ARID2: variants seen among roughly 807,000 people sequenced by gnomAD.
ARID2 encodes the protein AT-rich interaction domain 2, also known as AT-rich interactive domain-containing protein 2.
ARID2 carries 32 observed loss-of-function variants against 184.6 expected under a neutral mutation model. That is an observed-to-expected ratio of 0.17 (90% confidence interval 0.13 to 0.23). ARID2 has a LOEUF of 0.23. Ranked by LOEUF, ARID2 falls within the 10% of genes least tolerant of loss-of-function variation. The pLI is 1.00. For missense variants in ARID2, 1,696 were observed against 2,197.6 expected (o/e 0.77, Z 4.56); for synonymous variants, 836 against 772.6 (o/e 1.08, Z -1.36).
chr12:45,874,864 C>G (rs938712728), intron 16 of ARID2, among the ~76,000 whole-genome samples: 2 of 152,208 alleles, frequency 1.3e-5, no homozygotes, highest in Non-Finnish European at 2.9e-5. Flanking sequence ...TGGCTGATGC[C>G]TGTAATCTCA....
intron 6 of ARID2, among the ~76,000 whole-genome samples, chr12:45,832,817 T>G (rs531475434): frequency 6.2e-4 from 95 of 152,340 alleles, no homozygotes; most frequent in South Asian, 1.4e-3. Context: ...ACTATTTACT[T>G]CACGTTACAC....
chr12:45,862,564 T>G (rs1943766536), intron 16 of ARID2, among the ~76,000 whole-genome samples: 1 of 152,180 alleles, frequency 6.6e-6, no homozygotes, highest in South Asian at 2.1e-4. Flanking sequence ...TTTACGAAGC[T>G]TGTCGCAGTG....
chr12:45,757,107 T>G (rs1004417446), intron 3 of ARID2, among the ~76,000 whole-genome samples: 5 of 152,178 alleles, frequency 3.3e-5, no homozygotes, highest in African/African-American at 1.2e-4. Flanking sequence ...AAGCTCCTAA[T>G]GAAGTATCAA....
Position 45,731,303 on chromosome 12 carries a change from G to A in ARID2, c.273G>A (p.Gln91=), listed in dbSNP as rs1940991806. The A allele has an allele frequency of 1.2e-6, 2 of 1,612,904 alleles. No homozygotes were observed. The highest frequency in any genetic ancestry group is 1.7e-6 in the Non-Finnish European group (2 of 1,178,986). ...SCSNAAFALK[Q]YYLRYLEKYE... ...CTAACGCTGCCTTTGCTTTAAAACAGTATTACTTGCGGTGAGTAGTAGTGA... is the reference window on the plus strand; with the variant it reads ...CTAACGCTGCCTTTGCTTTAAAACAATATTACTTGCGGTGAGTAGTAGTGA... Residue 91 remains glutamine (Q), a synonymous_variant, in exon 3 of 21, where the codon CAG becomes CAA. Coordinates refer to ENST00000334344, the MANE Select transcript of ARID2 (RefSeq NM_152641.4).
At chr12:45,831,135 G>A (rs1040695701) in intron 6 of ARID2, among the ~76,000 whole-genome samples, 4 of 151,572 alleles carry the variant, frequency 2.6e-5, no homozygotes, top group Middle Eastern at 3.5e-3. Context: ...ATTAATTTCT[G>A]CTTTTCATAT....
intron 16 of ARID2, among the ~76,000 whole-genome samples, chr12:45,865,909 T>C (rs747616653): frequency 6.6e-5 from 10 of 152,146 alleles, no homozygotes; most frequent in African/African-American, 2.4e-4. Flanking sequence ...CCACAATATT[T>C]TCATAATTGT....
intron 4 of ARID2, among the ~76,000 whole-genome samples, chr12:45,815,503 ACTGT>A (rs1942788970): frequency 6.6e-6 from 1 of 151,972 alleles, no homozygotes; most frequent in Non-Finnish European, 1.5e-5. Context: ...TATCTCTTCA[ACTGT>A]CTGCATTTGG....
At position 45,837,515 on chromosome 12, in the gene ARID2, A is replaced by C; in HGVS notation, c.1138A>C (p.Asn380His). ...TTTTTCAGGCATGGAAATTTTGGGAAATCTTTGCAAAGCAGAAGATAATGG... is the reference window on the plus strand; with the variant it reads ...TTTTTCAGGCATGGAAATTTTGGGACATCTTTGCAAAGCAGAAGATAATGG... ...LKMRGMEILG[N>H]LCKAEDNGVL... The change falls in exon 10 of 21, where the codon AAT becomes CAT. Residue 380 changes from asparagine to histidine, a missense_variant. By Grantham distance (68) the Asn-to-His change is moderately conservative. Around this residue, in one of 11 missense-constraint regions of ARID2, gnomAD observed 86 missense variants for 200.8 expected, o/e 0.43. Coordinates refer to ENST00000334344, the MANE Select transcript of ARID2 (RefSeq NM_152641.4). 1 of 1,613,946 alleles carries C rather than the reference A, an allele frequency of 6.2e-7. No individual in the cohort carries two copies. Among genetic ancestry groups the C allele is most frequent in the Non-Finnish European group, 8.5e-7 (1 of 1,179,908 alleles).
intron 16 of ARID2, among the ~76,000 whole-genome samples, chr12:45,872,829 A>T (rs906216704): frequency 1.3e-5 from 2 of 152,150 alleles, no homozygotes; most frequent in African/African-American, 4.8e-5. Flanking sequence ...GTTCCATGTG[A>T]GCTTGAGAAG....
chr12:45,869,633 A>C (rs1008129457), intron 16 of ARID2, among the ~76,000 whole-genome samples: 2 of 152,058 alleles, frequency 1.3e-5, no homozygotes, highest in African/African-American at 2.4e-5. Context: ...TTGTAATTTC[A>C]GCACTTTGGG....
chr12:45,836,494 G>A, intron 6 of ARID2, 95 bp from the exon 7 acceptor site: 1 of 1,190,074 alleles, frequency 8.4e-7, no homozygotes, highest in South Asian at 1.7e-5. Flanking sequence ...GGGATTACAG[G>A]CATGAGCCAC....
chr12:45,807,965 C>T (rs1942632107), intron 3 of ARID2, among the ~76,000 whole-genome samples: 1 of 152,218 alleles, frequency 6.6e-6, no homozygotes, highest in Middle Eastern at 3.4e-3. Context: ...TTATATTGGT[C>T]ACATTTAAGC....
At chr12:45,829,183 C>G (rs182479728) in intron 6 of ARID2, among the ~76,000 whole-genome samples, 29 of 152,134 alleles carry the variant, frequency 1.9e-4, no homozygotes, top group African/African-American at 7.0e-4. Flanking sequence ...TCACCATTGT[C>G]ATAAATCCAC....
intron 8 of ARID2, 116 bp from the exon 9 acceptor site, chr12:45,837,205 A>G (rs1943235715): frequency 3.4e-6 from 4 of 1,175,562 alleles, no homozygotes; most frequent in South Asian, 1.7e-5. Flanking sequence ...TATTTTTACA[A>G]TAACATTTTT....
intron 3 of ARID2, among the ~76,000 whole-genome samples, chr12:45,778,107 C>T (rs1320267030): frequency 2.0e-5 from 3 of 151,730 alleles, no homozygotes; most frequent in Non-Finnish European, 2.9e-5. Flanking sequence ...TCAGGGGGGC[C>T]GGGGCAGTGG....
At chr12:45,789,307 T>C (rs1374599263) in intron 3 of ARID2, 1 of 152,214 alleles carries the variant, frequency 6.6e-6, no homozygotes, top group East Asian at 1.9e-4. Flanking sequence ...ATATTTTGTC[T>C]GTGAGATCTT....
intron 3 of ARID2, among the ~76,000 whole-genome samples, chr12:45,773,958 T>C (rs1164879554): frequency 6.6e-6 from 1 of 152,150 alleles, no homozygotes; most frequent in Non-Finnish European, 1.5e-5. Flanking sequence ...TATCTTCCCC[T>C]GTGACTGGAG....
At chr12:45,817,561 TTA>T (rs905509444) in intron 4 of ARID2, 107 bp from the exon 5 acceptor site, 14 of 252,592 alleles carry the variant, frequency 5.5e-5, no homozygotes, top group Admixed American at 4.4e-4. Context: ...ATATTATATT[TTA>T]TATATATTAT....
chr12:45,852,433 C>T lies in ARID2; in HGVS notation c.4310C>T (p.Ala1437Val), dbSNP rs774475353. 70 of 1,614,000 alleles carry T rather than the reference C, an allele frequency of 4.3e-5. 1 individual carries two copies. Among genetic ancestry groups the T allele is most frequent in the Admixed American group, 8.3e-5 (5 of 59,992 alleles). ...AGCAGTATACAGGAGGCTTCAAATG[C>T]GGCAACACAGCAATTTAGTGGTACT... Reference protein sequence around the residue: ...SVSSIQEASNAATQQFSGTDL... With the variant: ...SVSSIQEASNVATQQFSGTDL... Residue 1437 changes from alanine (A) to valine (V), a missense_variant, in exon 15 of 21, where the codon GCG becomes GTG. Ala to Val is a moderately conservative substitution (Grantham distance 64). Transcript: ENST00000334344.
Sources: gnomAD v4.1 joint callset for allele counts (sites outside exome capture counted in the v4.1 genomes callset) on GRCh38, gnomAD v4.1.1 for gene constraint, gnomAD v4.1.1 regional missense constraint, MANE v1.5 for transcripts, NCBI Gene and HGNC (gene_info 2026-07-23, HGNC 2026-07-21) for gene names.